The following TECPR2 variants were observed in gnomAD, a reference collection of about 807,000 sequenced individuals.
TECPR2 encodes tectonin beta-propeller repeat-containing protein 2.
A neutral mutation model predicts 138.1 loss-of-function variants in TECPR2; 65 were observed. That is an observed-to-expected ratio of 0.47 (90% CI 0.39 to 0.58). The LOEUF is 0.58. Ranked by LOEUF, TECPR2 falls within the 20% of genes least tolerant of loss-of-function variation. The pLI, the probability that TECPR2 is intolerant of heterozygous loss-of-function variation, is 0.00. For synonymous variants in TECPR2, 746 were observed against 749.8 expected, an observed-to-expected ratio of 0.99 and a Z score of 0.08; for missense variants, 1,553 against 1,824.5, an observed-to-expected ratio of 0.85 and a Z score of 2.71.
chr14:102,438,076 G>C lies in TECPR2; in HGVS notation c.2449G>C (p.Val817Leu). 3 of 1,614,212 alleles carry C rather than the reference G, an allele frequency of 1.9e-6. No individual in the cohort carries two copies. The highest frequency in any genetic ancestry group is 2.5e-6 in the Non-Finnish European group (3 of 1,180,044). Residue 817 changes from valine to leucine, a missense_variant, in exon 10 of 20, where the codon GTG becomes CTG. Transcript: ENST00000359520. ...SGPGYGILSL[V>L]VSEKYIWCLD... ...TCCCGGCTATGGCATCCTCAGCTTG[G>C]TGGTCTCCGAGAAGTATATCTGGTG...
intron 17 of TECPR2, among the ~76,000 whole-genome samples, chr14:102,485,684 CG>C (rs904376712): frequency 1.3e-5 from 2 of 152,112 alleles, no homozygotes; most frequent in Non-Finnish European, 2.9e-5. Context: ...AAACCATGAG[CG>C]GCAGGAAGGG....
intron 2 of TECPR2, among the ~76,000 whole-genome samples, chr14:102,383,922 CTTT>C (rs751851686): frequency 3.6e-5 from 5 of 137,924 alleles, no homozygotes; most frequent in African/African-American, 5.3e-5. Context: ...AGTAGTTGTT[CTTT>C]TTTTTTTTTT....
chr14:102,453,495 AGAAG>A (rs1181879136), intron 16 of TECPR2, among the ~76,000 whole-genome samples: 1 of 151,992 alleles, frequency 6.6e-6, no homozygotes, highest in Non-Finnish European at 1.5e-5. Context: ...AAAAAAAAGA[AGAAG>A]AAAGAAAGAA....
At chr14:102,408,249 T>G (rs1391248864) in intron 3 of TECPR2, among the ~76,000 whole-genome samples, 2 of 152,126 alleles carry the variant, frequency 1.3e-5, no homozygotes, top group African/African-American at 4.8e-5. Context: ...GGTTGGACAC[T>G]TGGCATAAAG....
At chr14:102,488,270 CA>C (rs1354675049) in intron 17 of TECPR2, among the ~76,000 whole-genome samples, 13 of 151,108 alleles carry the variant, frequency 8.6e-5, no homozygotes, top group African/African-American at 3.2e-4. Context: ...TCTCCTGCCT[CA>C]GTGTCTCATA....
chr14:102,440,097 G>T (rs1889788736), intron 10 of TECPR2, among the ~76,000 whole-genome samples: 1 of 152,228 alleles, frequency 6.6e-6, no homozygotes, highest in Non-Finnish European at 1.5e-5. Context: ...CTCCTCCCGT[G>T]TGAGGAGCGC....
At chr14:102,467,037 G>A (rs929433616) in intron 17 of TECPR2, among the ~76,000 whole-genome samples, 1 of 152,108 alleles carries the variant, frequency 6.6e-6, no homozygotes, top group Non-Finnish European at 1.5e-5. Flanking sequence ...CTGTTGTATG[G>A]ATAGGCCACA....
At position 102,429,032 on chromosome 14, in the gene TECPR2, A is replaced by G. The variant is rs371555620; in HGVS notation, c.1084+650A>G. Among the ~76,000 whole-genome samples, 10 of 152,254 alleles carry G rather than the reference A, an allele frequency of 6.6e-5. No individual in the cohort carries two copies. The East Asian group carries it at 1.9e-3, about 30-fold the overall frequency. On this transcript the variant is annotated intron_variant, in intron 7 of 19. Coordinates refer to ENST00000359520, the MANE Select transcript of TECPR2 (RefSeq NM_014844.5). ...CAGGCTAATTTTGTATTTTTAGTAGAGACAGGGTTTCTCCATGTTGGTCAG... is the reference window on the plus strand; with the variant it reads ...CAGGCTAATTTTGTATTTTTAGTAGGGACAGGGTTTCTCCATGTTGGTCAG...
rs1002621084 is a variant in TECPR2, at chr14:102,432,301, A to G, written c.1417+173A>G. On this transcript the variant is annotated intron_variant, in intron 8 of 19. Transcript: ENST00000359520. ...AATACTTCACATTAACGGAAAATAC[A>G]CACACACACACACACACACACTGTA... Among the ~76,000 whole-genome samples, 9 of 147,838 alleles carry G rather than the reference A, an allele frequency of 6.1e-5. No homozygotes were observed. In the South Asian group the frequency reaches 8.7e-4, roughly 14 times the overall value.
chr14:102,396,825 T>G (rs1284972726), intron 2 of TECPR2, among the ~76,000 whole-genome samples: 1 of 152,220 alleles, frequency 6.6e-6, no homozygotes, highest in Non-Finnish European at 1.5e-5. Context: ...AAAAGCATCT[T>G]GTCCTCTAAA....
rs964541640 is a variant in TECPR2, at chr14:102,487,845, T to G, written c.3790-9134T>G. On this transcript the variant is annotated intron_variant, in intron 17 of 19. Coordinates refer to ENST00000359520, the MANE Select transcript of TECPR2 (RefSeq NM_014844.5). ...CGTGAGCCACCACGCCCGGCCTGTT[T>G]GTTTTTTTTTTTTGATACGGAGTTT... 2.7e-4 allele frequency among the ~76,000 whole-genome samples: 38 copies of G among 138,998 alleles called. No homozygotes were observed. The South Asian group carries it at 5.0e-3, about 18-fold the overall frequency. The allele number at this position is 138,998 out of a possible 152,430, so 91.2% of individuals were successfully genotyped here.
intron 16 of TECPR2, among the ~76,000 whole-genome samples, chr14:102,464,658 T>G (rs1890505735): frequency 6.6e-6 from 1 of 152,230 alleles, no homozygotes. Flanking sequence ...GTGCTAAGAT[T>G]ACAGGTGTGT....
chr14:102,363,354 C>A (rs986797188), intron 1 of TECPR2, among the ~76,000 whole-genome samples: 2 of 152,162 alleles, frequency 1.3e-5, no homozygotes, highest in Non-Finnish European at 2.9e-5. Context: ...CGGTCCGCAG[C>A]GGGGAACAGG....
At chr14:102,480,160 C>T (rs1890855652) in intron 17 of TECPR2, among the ~76,000 whole-genome samples, 1 of 151,724 alleles carries the variant, frequency 6.6e-6, no homozygotes, top group Admixed American at 6.6e-5. Flanking sequence ...TCGGCCCTCC[C>T]TGGAGATATG....
chr14:102,440,411 G>A (rs1567342932), intron 10 of TECPR2, 25 bp from the exon 11 acceptor site: 1 of 1,612,044 alleles, frequency 6.2e-7, no homozygotes, highest in Non-Finnish European at 8.5e-7. Context: ...TTATTGGACA[G>A]TGAATAGAAT....
chr14:102,448,793 G>A (rs1046837383), intron 13 of TECPR2, among the ~76,000 whole-genome samples: 2 of 152,088 alleles, frequency 1.3e-5, no homozygotes, highest in Non-Finnish European at 2.9e-5. Context: ...CTTGAACCCA[G>A]GAGGCAGAGG....
intron 13 of TECPR2, among the ~76,000 whole-genome samples, chr14:102,448,078 C>A (rs1595131734): frequency 3.3e-5 from 5 of 151,850 alleles, no homozygotes; most frequent in Admixed American, 3.3e-4. Context: ...TTTTAAAATA[C>A]CTTTTGTGTA....
chr14:102,399,714 C>T (rs1256325292), intron 2 of TECPR2, among the ~76,000 whole-genome samples: 1 of 151,900 alleles, frequency 6.6e-6, no homozygotes, highest in African/African-American at 2.4e-5. Flanking sequence ...CTGTAGTCCC[C>T]AGCTACTCAA....
chr14:102,420,587 C>T lies in TECPR2; in HGVS notation c.639-4392C>T, dbSNP rs1373350546. On this transcript the variant is annotated intron_variant, in intron 5 of 19. Coordinates refer to ENST00000359520, the MANE Select transcript of TECPR2 (RefSeq NM_014844.5). The surrounding 1 kb of genome is among the most constrained non-coding windows in gnomAD (Gnocchi z 4.1). ...AGCTGGGTTCAGGCGATCCTCCTCC[C>T]TCAGCCTCCCGAGTAACTAGGACTA... 6.6e-6 allele frequency among the ~76,000 whole-genome samples: 1 copy of T among 152,148 alleles called. No individual in the cohort carries two copies. The highest frequency in any genetic ancestry group is 1.5e-5 in the Non-Finnish European group (1 of 68,032).
Sources: allele counts gnomAD v4.1 joint callset (sites outside exome capture counted in the v4.1 genomes callset), GRCh38; gene constraint gnomAD v4.1.1; non-coding constraint Gnocchi (gnomAD v3.1); transcripts MANE v1.5; gene names NCBI Gene and HGNC (gene_info 2026-07-23, HGNC 2026-07-21).